MAP3K4: variants seen among roughly 807,000 people sequenced by gnomAD.
MAP3K4 encodes MAP three kinase 1.
In MAP3K4, 67 loss-of-function variants were observed where a neutral mutation model predicts 185.6. That is an observed-to-expected ratio of 0.36 (90% confidence interval 0.30 to 0.44). MAP3K4 has a LOEUF of 0.44. MAP3K4 is among the 20% of genes least tolerant of loss of function. The pLI, the probability that MAP3K4 is intolerant of heterozygous loss-of-function variation, is 1.00. For synonymous variants in MAP3K4, 702 were observed against 710.4 expected (o/e 0.99, Z 0.19); for missense variants, 1,551 against 1,995.1 (o/e 0.78, Z 4.24).
rs766067909 is a variant in MAP3K4 at position 161,115,192 on chromosome 6, A to G, written c.4696A>G (p.Ile1566Val). 5.6e-6 allele frequency: 9 copies of G among 1,614,074 alleles called. No homozygotes were observed. The Admixed American group carries it at 8.3e-5, about 15-fold the overall frequency. Residue 1566 changes from isoleucine to valine, a missense_variant, in exon 26 of 27, where the codon ATC (isoleucine) becomes GTC (valine). By Grantham distance (29) the Ile-to-Val change is conservative (BLOSUM62 3). Coordinates refer to ENST00000392142, the MANE Select transcript of MAP3K4 (RefSeq NM_005922.4). This position sits in a 1 kb window ranked among gnomAD's most constrained non-coding sequence, Gnocchi z 6.0. The stretch of plus-strand genomic sequence containing the variant: ...AGTGGGGATGGGACATAAGCCACCA[A>G]TCCCTGAAAGATTAAGCCCTGAAGG... ...YKVGMGHKPP[I>V]PERLSPEGKD...
At position 161,048,734 on chromosome 6, in the gene MAP3K4, G is replaced by C; in HGVS notation, c.462G>C (p.Glu154Asp). The C allele has an allele frequency of 6.2e-7, 1 of 1,614,018 alleles. No individual in the cohort carries two copies. Among genetic ancestry groups the C allele is most frequent in the Non-Finnish European group, 8.5e-7 (1 of 1,180,008 alleles). The change falls in exon 3 of 27, where the codon GAG becomes GAC. Residue 154 changes from glutamate (E) to aspartate (D), a missense_variant. Around this residue, in one of 16 missense-constraint regions of MAP3K4, gnomAD observed 287 missense variants for 268.8 expected, o/e 1.07. Coordinates refer to ENST00000392142, the MANE Select transcript of MAP3K4 (RefSeq NM_005922.4). This position sits in a 1 kb window ranked among gnomAD's most constrained non-coding sequence, Gnocchi z 4.7. Reference protein sequence around the residue: ...KKIRAALRTTERDRKKNVQCS... With the variant: ...KKIRAALRTTDRDRKKNVQCS... ...TCCGAGCAGCTCTTAGAACAACAGAGCGTGATCGTAAAAAAAATGTACAGT... is the reference window on the plus strand; with the variant it reads ...TCCGAGCAGCTCTTAGAACAACAGACCGTGATCGTAAAAAAAATGTACAGT...
Position 161,067,635 on chromosome 6 carries a change from G to A in MAP3K4, c.1708-2973G>A, listed in dbSNP as rs1200116111. ...CCTTAGTGCTAATGCAGATTACTAC[G>A]TGGAAACGGTGTGTTCTTCCAACTT... On this transcript the variant is annotated intron_variant, in intron 3 of 26. Coordinates refer to ENST00000392142, the MANE Select transcript of MAP3K4 (RefSeq NM_005922.4). The surrounding 1 kb of genome is among the most constrained non-coding windows in gnomAD (Gnocchi z 6.3). Among the ~76,000 whole-genome samples the A allele has an allele frequency of 1.3e-5, 2 of 152,218 alleles. No homozygotes were observed. The highest frequency in any genetic ancestry group is 3.8e-4 in the East Asian group (2 of 5,200).
chr6:161,045,559 G>A (rs965172522), intron 2 of MAP3K4, among the ~76,000 whole-genome samples: 11 of 152,060 alleles, frequency 7.2e-5, no homozygotes, highest in African/African-American at 2.4e-4. Context: ...TTTTGCCCCT[G>A]GTAAGTGTAG....
At chr6:161,068,273 T>G in intron 3 of MAP3K4, among the ~76,000 whole-genome samples, 1 of 152,178 alleles carries the variant, frequency 6.6e-6, no homozygotes, top group East Asian at 1.9e-4. Flanking sequence ...AGGGAGAGAT[T>G]AAATGAGTTA....
intron 1 of MAP3K4, among the ~76,000 whole-genome samples, chr6:161,000,006 C>T (rs575890811): frequency 4.1e-4 from 63 of 152,294 alleles, no homozygotes; most frequent in African/African-American, 1.5e-3. Flanking sequence ...TTTCAGGCGT[C>T]GGTCTGTACA....
In MAP3K4 at chr6:161,087,712, T is replaced by C. The variant is rs1785802101; in HGVS notation, c.2581T>C (p.Leu861=). The stretch of plus-strand genomic sequence containing the variant: ...GGTGCAAATTCCTGGGTTAGAAAAC[T>C]TGCAAATGTTTGTTCCAGACACTCT... The part of the protein sequence containing the change: ...VKVQIPGLEN[L]QMFVPDTLAE... The change falls in exon 10 of 27, where the codon TTG becomes CTG. Residue 861 remains leucine, a synonymous_variant. Transcript: ENST00000392142. The surrounding 1 kb of genome is among the most constrained non-coding windows in gnomAD (Gnocchi z 4.9). 1 of 1,614,174 alleles carries C rather than the reference T, an allele frequency of 6.2e-7. No individual in the cohort carries two copies. Among genetic ancestry groups the C allele is most frequent in the Admixed American group, 1.7e-5 (1 of 60,028 alleles).
chr6:161,018,773 C>A (rs1304857085), intron 1 of MAP3K4, among the ~76,000 whole-genome samples: 1 of 151,802 alleles, frequency 6.6e-6, no homozygotes, highest in African/African-American at 2.4e-5. Flanking sequence ...GATGGAAGTA[C>A]CAGGAGTTGC....
At chr6:161,079,673 C>T (rs1176095620) in intron 5 of MAP3K4, among the ~76,000 whole-genome samples, 12 of 152,140 alleles carry the variant, frequency 7.9e-5, no homozygotes, top group Non-Finnish European at 1.5e-5. Context: ...GATGGGGGAG[C>T]TCACCAAGAA....
At position 161,096,002 on chromosome 6, in the gene MAP3K4, CTT is replaced by C. The variant is rs1360169813; in HGVS notation, c.3428-1075_3428-1074del. 1.3e-5 allele frequency among the ~76,000 whole-genome samples: 2 copies of C among 151,926 alleles called. No homozygotes were observed. Among genetic ancestry groups the C allele is most frequent in the Admixed American group, 1.3e-4 (2 of 15,246 alleles). ...TTGCTCAATTAAAGACTCACCAAATCTTTTGTTTTTTTTTAACCTTTGTTACT... is the reference window on the plus strand; with the variant it reads ...TTGCTCAATTAAAGACTCACCAAATCTTGTTTTTTTTTAACCTTTGTTACT... On this transcript the variant is annotated intron_variant, in intron 15 of 26. Coordinates refer to ENST00000392142, the MANE Select transcript of MAP3K4 (RefSeq NM_005922.4). This position sits in a 1 kb window ranked among gnomAD's most constrained non-coding sequence, Gnocchi z 4.9.
At chr6:161,031,497 T>G (rs1782927082) in intron 1 of MAP3K4, among the ~76,000 whole-genome samples, 1 of 152,190 alleles carries the variant, frequency 6.6e-6, no homozygotes, top group South Asian at 2.1e-4. Context: ...TACTTCTTTA[T>G]TTATTTTTAA....
chr6:161,024,709 G>T (rs1782559308), intron 1 of MAP3K4, among the ~76,000 whole-genome samples: 1 of 152,066 alleles, frequency 6.6e-6, no homozygotes, highest in Non-Finnish European at 1.5e-5. Flanking sequence ...TATCATATCA[G>T]GGGCACGTGC....
rs1403171595 is a variant in MAP3K4, at chr6:161,104,583, C to T, written c.3856+1804C>T. On this transcript the variant is annotated intron_variant, in intron 19 of 26. Coordinates refer to ENST00000392142, the MANE Select transcript of MAP3K4 (RefSeq NM_005922.4). ...AAAATTAACTGGACGTGGTGGTGCG[C>T]GCCTGTAGTCCCAGCTACTTGGGAG... 5.3e-5 allele frequency among the ~76,000 whole-genome samples: 8 copies of T among 151,344 alleles called. No individual in the cohort carries two copies. The South Asian group carries it at 6.3e-4, about 12-fold the overall frequency.
intron 2 of MAP3K4, among the ~76,000 whole-genome samples, chr6:161,040,526 G>A (rs1422089674): frequency 6.6e-6 from 1 of 152,206 alleles, no homozygotes; most frequent in Non-Finnish European, 1.5e-5. Flanking sequence ...TTTGTAAGGA[G>A]TCCATGGTTT....
At chr6:161,003,685 A>T (rs1781438655) in intron 1 of MAP3K4, among the ~76,000 whole-genome samples, 1 of 152,310 alleles carries the variant, frequency 6.6e-6, no homozygotes, top group Admixed American at 6.5e-5. Flanking sequence ...TCTGTAAATG[A>T]CAAAATAACT....
In MAP3K4 at chr6:161,115,252, C is replaced by A. The variant is rs1478805566; in HGVS notation, c.4756C>A (p.Pro1586Thr). 3.7e-6 allele frequency: 6 copies of A among 1,613,858 alleles called. No individual in the cohort carries two copies. The Admixed American group carries it at 8.3e-5, about 22-fold the overall frequency. ...DFLSHCLESD[P>T]KMRWTASQLL... The stretch of plus-strand genomic sequence containing the variant: ...CCTTTCTCACTGCCTTGAGAGTGAC[C>A]CAAAGATGAGATGGACCGCCAGCCA... Residue 1586 changes from proline to threonine, a missense_variant, in exon 26 of 27, where the codon CCA (proline) becomes ACA (threonine). Transcript: ENST00000392142. This position sits in a 1 kb window ranked among gnomAD's most constrained non-coding sequence, Gnocchi z 6.0.
chr6:161,081,093 A>G (rs1338588789), intron 6 of MAP3K4, 55 bp downstream of exon 6: 11 of 1,557,208 alleles, frequency 7.1e-6, no homozygotes, highest in East Asian at 6.8e-5. Context: ...CTCTCACACC[A>G]TTTACTCACT....
Position 161,073,452 on chromosome 6 carries a change from GTGT to G in MAP3K4, c.1951-9_1951-7del. The G allele has an allele frequency of 6.3e-7, 1 of 1,577,398 alleles. No individual in the cohort carries two copies. Among genetic ancestry groups the G allele is most frequent in the Non-Finnish European group, 8.6e-7 (1 of 1,161,328 alleles). On this transcript the variant is annotated splice_polypyrimidine_tract_variant and intron_variant, in intron 4 of 26. Transcript: ENST00000392142. The surrounding 1 kb of genome is among the most constrained non-coding windows in gnomAD (Gnocchi z 4.2). Reference sequence around the variant, plus strand: ...AGTTTATGGCTGCTGGAACCTGTGTGTGTTGTTTTGCAGCTGGTGAGAGAGTGT... The same window carrying G: ...AGTTTATGGCTGCTGGAACCTGTGTGTGTTTTGCAGCTGGTGAGAGAGTGT...
intron 13 of MAP3K4, among the ~76,000 whole-genome samples, chr6:161,092,556 T>A (rs1777373490): frequency 6.6e-6 from 1 of 152,198 alleles, no homozygotes; most frequent in African/African-American, 2.4e-5. Context: ...GAGAAATAGC[T>A]GAGTGTTCTG....
chr6:161,019,524 A>G (rs1357009633), intron 1 of MAP3K4, among the ~76,000 whole-genome samples: 1 of 152,194 alleles, frequency 6.6e-6, no homozygotes, highest in Non-Finnish European at 1.5e-5. Context: ...CTCCTGCGTC[A>G]GTCTCCCGAG....
Sources: allele counts gnomAD v4.1 joint callset (sites outside exome capture counted in the v4.1 genomes callset), GRCh38; gene constraint gnomAD v4.1.1; regional missense constraint gnomAD v4.1.1; non-coding constraint Gnocchi (gnomAD v3.1); transcripts MANE v1.5; gene names NCBI Gene and HGNC (gene_info 2026-07-23, HGNC 2026-07-21).